Variants in EPS15L1 observed in about 807,000 individuals in gnomAD.
EPS15L1 encodes the protein epidermal growth factor receptor pathway substrate 15 like 1.
In EPS15L1, 43 loss-of-function variants were observed where a neutral mutation model predicts 117.1. That is an observed-to-expected ratio of 0.37 (90% CI 0.29 to 0.47). The LOEUF is 0.47. Ranked by LOEUF, EPS15L1 falls within the 20% of genes least tolerant of loss-of-function variation. The pLI, the probability that EPS15L1 is intolerant of heterozygous loss-of-function variation, is 0.99. For missense variants in EPS15L1, 981 were observed against 1,164.0 expected (o/e 0.84, Z 2.29); for synonymous variants, 459 against 470.5 (o/e 0.98, Z 0.32).
At chr19:16,397,919 C>T (rs935749210) in intron 16 of EPS15L1, among the ~76,000 whole-genome samples, 4 of 152,132 alleles carry the variant, frequency 2.6e-5, no homozygotes, top group African/African-American at 7.2e-5. Context: ...AAAAACAGCA[C>T]AACACCCTCA....
chr19:16,471,995 C>A (rs1287392785), upstream of EPS15L1: 2 of 1,241,144 alleles, frequency 1.6e-6, no homozygotes, highest in East Asian at 3.2e-5. This position sits in a 1 kb window ranked among gnomAD's most constrained non-coding sequence, Gnocchi z 4.8. Flanking sequence ...GGCGGGGCTG[C>A]AGCCACGCGT....
chr19:16,397,810 T>C (rs2092555788), intron 16 of EPS15L1, among the ~76,000 whole-genome samples: 1 of 152,154 alleles, frequency 6.6e-6, no homozygotes, highest in Non-Finnish European at 1.5e-5. Context: ...GGGTTTGTCA[T>C]ATACATGGGA....
At chr19:16,455,408 G>A (rs991165771) in intron 1 of EPS15L1, among the ~76,000 whole-genome samples, 9 of 152,188 alleles carry the variant, frequency 5.9e-5, no homozygotes. Flanking sequence ...TTACAGGCAT[G>A]AGCACCAAAC....
intron 1 of EPS15L1, among the ~76,000 whole-genome samples, chr19:16,465,920 TC>T (rs1244325211): frequency 6.6e-6 from 1 of 151,922 alleles, no homozygotes; most frequent in Non-Finnish European, 1.5e-5. Context: ...AAAAGCCATG[TC>T]TGCCTGAGCT....
chr19:16,355,551 G>C lies in EPS15L1; in HGVS notation c.*154C>G. On this transcript the variant is annotated 3_prime_UTR_variant, in exon 24 of 24. Transcript: ENST00000455140. ...TTCCCCAGGAGATGTGACCTTTCCA[G>C]GTCTTGCAGCCGAGTCTGCTCACCC... The C allele has an allele frequency of 1.0e-6, 1 of 967,594 alleles. No individual in the cohort carries two copies. Among genetic ancestry groups the C allele is most frequent in the Non-Finnish European group, 1.5e-6 (1 of 673,074 alleles). 59.9% of individuals were successfully genotyped at this position (967,594 alleles called of 1,614,324 possible).
At chr19:16,369,162 A>C (rs1179500816) in intron 22 of EPS15L1, among the ~76,000 whole-genome samples, 1 of 152,118 alleles carries the variant, frequency 6.6e-6, no homozygotes. Flanking sequence ...AATGTGACAC[A>C]CGGGACCACG....
chr19:16,359,368 T>C (rs985941177), intron 23 of EPS15L1, among the ~76,000 whole-genome samples: 5 of 152,152 alleles, frequency 3.3e-5, no homozygotes, highest in African/African-American at 9.7e-5. Flanking sequence ...GCCGTGAACA[T>C]GGAGAGACGT....
chr19:16,426,434 G>C (rs2092873275), intron 8 of EPS15L1, among the ~76,000 whole-genome samples: 1 of 152,148 alleles, frequency 6.6e-6, no homozygotes, highest in African/African-American at 2.4e-5. Context: ...AGGAGTTCAA[G>C]ACCAGCCTGG....
At chr19:16,412,829 A>T in intron 13 of EPS15L1, 1 of 507,396 alleles carries the variant, frequency 2.0e-6, no homozygotes, top group Non-Finnish European at 3.8e-6. Context: ...CGGAGCCGGG[A>T]CCAAGGCCAC....
At chr19:16,434,002 C>G (rs114971579) in intron 7 of EPS15L1, among the ~76,000 whole-genome samples, 1,780 of 146,830 alleles carry the variant, frequency 0.012, 35 homozygotes, top group African/African-American at 0.043. Context: ...TAAATAGACA[C>G]AGACACACAT....
intron 12 of EPS15L1, among the ~76,000 whole-genome samples, chr19:16,415,023 C>G (rs1289516097): frequency 1.3e-5 from 2 of 152,120 alleles, no homozygotes; most frequent in Non-Finnish European, 2.9e-5. Context: ...TATTTTTAAA[C>G]TGAGATAGAA....
chr19:16,433,921 C>A (rs2092953786), intron 7 of EPS15L1, among the ~76,000 whole-genome samples: 1 of 151,974 alleles, frequency 6.6e-6, no homozygotes, highest in African/African-American at 2.4e-5. Context: ...CGAGATCGTG[C>A]CACTGCACTC....
chr19:16,461,953 T>C (rs1026951847), intron 1 of EPS15L1, among the ~76,000 whole-genome samples: 39 of 152,244 alleles, frequency 2.6e-4, no homozygotes, highest in African/African-American at 8.9e-4. Flanking sequence ...AATCAACAGA[T>C]ATCACCAGCC....
At chr19:16,368,268 G>A (rs2092167121) in intron 22 of EPS15L1, among the ~76,000 whole-genome samples, 1 of 151,760 alleles carries the variant, frequency 6.6e-6, no homozygotes. Context: ...ACACACACAA[G>A]CATCACTGAT....
chr19:16,413,712 A>G, intron 13 of EPS15L1, 61 bp downstream of exon 13: 1 of 1,410,438 alleles, frequency 7.1e-7, no homozygotes. Context: ...CCAGGGAGGG[A>G]AGTTTTCCTG....
At chr19:16,444,139 C>A (rs1347981876) in intron 1 of EPS15L1, among the ~76,000 whole-genome samples, 3 of 91,118 alleles carry the variant, frequency 3.3e-5, no homozygotes, top group African/African-American at 4.2e-5. Flanking sequence ...AGGAAAATAG[C>A]ATAAAGATCT....
At chr19:16,395,499 TTTA>T in intron 16 of EPS15L1, 32 bp from the exon 17 acceptor site, 7 of 1,607,564 alleles carry the variant, frequency 4.4e-6, no homozygotes, top group Non-Finnish European at 6.0e-6. Context: ...GGACAGGGAT[TTTA>T]TTATTTCTGA....
intron 22 of EPS15L1, among the ~76,000 whole-genome samples, chr19:16,374,504 A>G (rs1171308502): frequency 2.0e-5 from 3 of 152,104 alleles, no homozygotes; most frequent in African/African-American, 7.3e-5. Flanking sequence ...TACTTTTAAC[A>G]AGCATTCTTT....
intron 1 of EPS15L1, among the ~76,000 whole-genome samples, chr19:16,454,887 T>C (rs1348806713): frequency 6.6e-5 from 10 of 151,836 alleles, no homozygotes; most frequent in Non-Finnish European, 1.5e-4. Context: ...CCCAGCACTT[T>C]TGGGGGCTAA....
Sources: allele counts gnomAD v4.1 joint callset (sites outside exome capture counted in the v4.1 genomes callset), GRCh38; gene constraint gnomAD v4.1.1; non-coding constraint Gnocchi (gnomAD v3.1); transcripts MANE v1.5; gene names NCBI Gene and HGNC (gene_info 2026-07-23, HGNC 2026-07-21).